The following LRRC4B variants were observed in gnomAD, a reference collection of about 807,000 sequenced individuals.
LRRC4B encodes leucine rich repeat containing 4B, also known as leucine-rich repeat-containing protein 4B.
Under a neutral mutation model 7.3 loss-of-function variants are expected in LRRC4B, and 1 was observed. That is an observed-to-expected ratio of 0.14 (90% confidence interval 0.05 to 0.65). LRRC4B has a LOEUF of 0.65. LRRC4B is among the 30% of genes least tolerant of loss of function. LRRC4B has a pLI of 0.84. For missense variants in LRRC4B, 730 were observed against 1,041.6 expected (o/e 0.70, Z 4.12); for synonymous variants, 500 against 499.2 (o/e 1.00, Z -0.02).
At chr19:50,557,414 C>T (rs1599785744) in intron 1 of LRRC4B, among the ~76,000 whole-genome samples, 2 of 152,232 alleles carry the variant, frequency 1.3e-5, no homozygotes, top group Non-Finnish European at 2.9e-5. Context: ...ACCCGGCTCC[C>T]GTCCAGTCCC....
intron 1 of LRRC4B, among the ~76,000 whole-genome samples, chr19:50,560,845 T>C (rs962232465): frequency 2.0e-5 from 3 of 152,122 alleles, no homozygotes; most frequent in African/African-American, 7.2e-5. Context: ...TCCCAGCACT[T>C]TGGGAGGCCG....
intron 2 of LRRC4B, among the ~76,000 whole-genome samples, chr19:50,543,592 C>T (rs1183301978): frequency 6.6e-6 from 1 of 152,016 alleles, no homozygotes; most frequent in East Asian, 1.9e-4. Flanking sequence ...TGGCTCACAC[C>T]TGTAATCTCA....
At chr19:50,544,232 C>G (rs140687360) in intron 2 of LRRC4B, among the ~76,000 whole-genome samples, 2 of 147,698 alleles carry the variant, frequency 1.4e-5, no homozygotes, top group East Asian at 4.1e-4. Flanking sequence ...ATAGGCCGGG[C>G]GCAGTGGCTC....
intron 1 of LRRC4B, among the ~76,000 whole-genome samples, chr19:50,554,441 G>A (rs998669374): frequency 9.9e-5 from 15 of 152,132 alleles, no homozygotes; most frequent in Admixed American, 9.2e-4. Context: ...CCCCAGCGCA[G>A]CTCCGTGCAC....
chr19:50,538,905 T>C lies in LRRC4B; in HGVS notation c.297+9637A>G, dbSNP rs544906337. Among the ~76,000 whole-genome samples the C allele has an allele frequency of 1.8e-3, 275 of 150,484 alleles. 3 individuals carry two copies. The highest frequency in any genetic ancestry group is 6.3e-3 in the African/African-American group (258 of 40,840). The stretch of plus-strand genomic sequence containing the variant: ...GCCACCGCACGCCGCCTTTTTTTTT[T>C]CAAGACGGATTCTTGCTTTGTCGCC... On this transcript the variant is annotated intron_variant, in intron 2 of 2. Coordinates refer to ENST00000652263, the MANE Select transcript of LRRC4B (RefSeq NM_001080457.2).
chr19:50,564,551 G>A (rs1335885246), intron 1 of LRRC4B, among the ~76,000 whole-genome samples: 3 of 152,146 alleles, frequency 2.0e-5, no homozygotes, highest in African/African-American at 7.2e-5. Context: ...TGATGAATGA[G>A]TCCACAGACT....
At chr19:50,536,055 C>G (rs1185654077) in intron 2 of LRRC4B, among the ~76,000 whole-genome samples, 1 of 152,076 alleles carries the variant, frequency 6.6e-6, no homozygotes, top group East Asian at 1.9e-4. Context: ...CCTGGGCAGC[C>G]TTCCCTGGCC....
At chr19:50,557,399 C>T (rs934030297) in intron 1 of LRRC4B, among the ~76,000 whole-genome samples, 4 of 152,198 alleles carry the variant, frequency 2.6e-5, no homozygotes, top group African/African-American at 2.4e-5. Flanking sequence ...GGGGACACAC[C>T]GCCCACCCGG....
intron 1 of LRRC4B, among the ~76,000 whole-genome samples, chr19:50,565,596 C>T (rs1369619406): frequency 6.6e-6 from 1 of 151,444 alleles, no homozygotes; most frequent in Non-Finnish European, 1.5e-5. Context: ...CCACGTGCCC[C>T]GTGTCTTCCT....
chr19:50,525,304 A>G (rs924061632), intron 2 of LRRC4B, among the ~76,000 whole-genome samples: 9 of 151,560 alleles, frequency 5.9e-5, no homozygotes, highest in African/African-American at 1.5e-4. Flanking sequence ...CGTCATTCTC[A>G]TTGTTATCGT....
intron 2 of LRRC4B, among the ~76,000 whole-genome samples, chr19:50,522,459 A>ATTTATTAT (rs1491583815): frequency 6.8e-5 from 10 of 147,182 alleles, no homozygotes; most frequent in South Asian, 6.5e-4. Context: ...TATTTTATTT[A>ATTTATTAT]TTATTTATTT....
At chr19:50,538,474 G>A (rs1292616591) in intron 2 of LRRC4B, among the ~76,000 whole-genome samples, 2 of 152,044 alleles carry the variant, frequency 1.3e-5, no homozygotes, top group African/African-American at 4.8e-5. Flanking sequence ...GCGAACTAGT[G>A]GGTAATTTAA....
At chr19:50,565,261 G>A (rs1982591314) in intron 1 of LRRC4B, among the ~76,000 whole-genome samples, 1 of 152,184 alleles carries the variant, frequency 6.6e-6, no homozygotes, top group African/African-American at 2.4e-5. Context: ...GGCCACCTCC[G>A]TGCCTTTTGC....
At chr19:50,544,300 A>G (rs1444727961) in intron 2 of LRRC4B, among the ~76,000 whole-genome samples, 1 of 151,928 alleles carries the variant, frequency 6.6e-6, no homozygotes, top group Non-Finnish European at 1.5e-5. Flanking sequence ...AAGTCAGGAG[A>G]TCAAGACCAT....
Position 50,556,017 on chromosome 19 carries a change from GCTGGCGTT to G in LRRC4B, c.-35-7152_-35-7145del, listed in dbSNP as rs913418368. 2.0e-5 allele frequency among the ~76,000 whole-genome samples: 3 copies of G among 152,104 alleles called. No homozygotes were observed. The highest frequency in any genetic ancestry group is 7.2e-5 in the African/African-American group (3 of 41,394). ...GGTTCTGGGGGAGGGGACAGGCAGCGCTGGCGTTCTGAGCCAATCCATGTCCTGAATGC... is the reference window on the plus strand; with the variant it reads ...GGTTCTGGGGGAGGGGACAGGCAGCGCTGAGCCAATCCATGTCCTGAATGC... On this transcript the variant is annotated intron_variant, in intron 1 of 2. Coordinates refer to ENST00000652263, the MANE Select transcript of LRRC4B (RefSeq NM_001080457.2). The surrounding 1 kb of genome is among the most constrained non-coding windows in gnomAD (Gnocchi z 4.2).
chr19:50,551,719 T>G (rs1982074588), intron 1 of LRRC4B, among the ~76,000 whole-genome samples: 1 of 150,708 alleles, frequency 6.6e-6, no homozygotes, highest in Non-Finnish European at 1.5e-5. Flanking sequence ...TCATCGGCCC[T>G]GAGCCCGTCT....
In LRRC4B at chr19:50,548,114, G is replaced by A. The variant is rs545657501; in HGVS notation, c.297+428C>T. Among the ~76,000 whole-genome samples the A allele has an allele frequency of 3.3e-5, 5 of 152,312 alleles. No individual in the cohort carries two copies. The highest frequency in any genetic ancestry group is 2.1e-4 in the South Asian group (1 of 4,830). ...CAACGCAGGGGCTTGCATTGTCCCCGCTTTTCAGATGAAGAAACTGAGGCT... is the reference window on the plus strand; with the variant it reads ...CAACGCAGGGGCTTGCATTGTCCCCACTTTTCAGATGAAGAAACTGAGGCT... On this transcript the variant is annotated intron_variant, in intron 2 of 2. Transcript: ENST00000652263. The surrounding 1 kb of genome is among the most constrained non-coding windows in gnomAD (Gnocchi z 6.8).
At chr19:50,562,631 G>A (rs1982504478) in intron 1 of LRRC4B, among the ~76,000 whole-genome samples, 1 of 152,170 alleles carries the variant, frequency 6.6e-6, no homozygotes, top group Non-Finnish European at 1.5e-5. Context: ...TCAACTCCCT[G>A]GGCTGGGGCA....
Position 50,517,657 on chromosome 19 carries a change from T to TGCCCCCGCA in LRRC4B, c.2047_2055dup (p.Cys683_Gly685dup), listed in dbSNP as rs753164227. 4 of 1,512,382 alleles carry TGCCCCCGCA rather than the reference T, an allele frequency of 2.6e-6. No individual in the cohort carries two copies. Among genetic ancestry groups the TGCCCCCGCA allele is most frequent in the South Asian group, 1.3e-5 (1 of 76,460 alleles). 93.7% of individuals were successfully genotyped at this position (1,512,382 alleles called of 1,614,324 possible). On this transcript the variant is annotated inframe_insertion, in exon 3 of 3. Transcript: ENST00000652263. This position sits in a 1 kb window ranked among gnomAD's most constrained non-coding sequence, Gnocchi z 6.6. ...ATGGAGTTGAGGCCAGGCGGGCCTT[T>TGCCCCCGCA]GCCCCCGCAGCCCCCGCCGCTGGGG...
Sources: allele counts gnomAD v4.1 joint callset (sites outside exome capture counted in the v4.1 genomes callset), GRCh38; gene constraint gnomAD v4.1.1; non-coding constraint Gnocchi (gnomAD v3.1); transcripts MANE v1.5; gene names NCBI Gene and HGNC (gene_info 2026-07-23, HGNC 2026-07-21).